The following KEL variants were observed in gnomAD, a reference collection of about 807,000 sequenced individuals.
KEL encodes kell blood group glycoprotein.
In KEL, 96 loss-of-function variants were observed where a neutral mutation model predicts 99.5. The observed-to-expected ratio is 0.97, with a 90% CI of 0.82 to 1.14. The LOEUF (loss-of-function observed/expected upper bound fraction) is 1.14. Among genes scored for constraint, KEL ranks in the 50% most tolerant of loss-of-function variants. The pLI, the probability that KEL is intolerant of heterozygous loss-of-function variation, is 0.00. For missense variants in KEL, 926 were observed against 924.2 expected, an observed-to-expected ratio of 1.00 and a Z score of -0.03; for synonymous variants, 355 against 354.8, an observed-to-expected ratio of 1.00 and a Z score of -0.01.
Position 142,941,213 on chromosome 7 carries a change from G to T in KEL, c.*39C>A. 1 of 1,607,600 alleles carries T rather than the reference G, an allele frequency of 6.2e-7. No homozygotes were observed. The highest frequency in any genetic ancestry group is 8.5e-7 in the Non-Finnish European group (1 of 1,174,126). ...CCATGGATGTGACCAGGGAGGTGTT[G>T]GTCGATATTTCTGTGCTGTGGCATC... On this transcript the variant is annotated 3_prime_UTR_variant, in exon 19 of 19. Transcript: ENST00000355265.
chr7:142,962,344 G>A lies in KEL; in HGVS notation c.-138C>T. 1.0e-6 allele frequency: 1 copy of A among 985,820 alleles called. No homozygotes were observed. Among genetic ancestry groups the A allele is most frequent in the Non-Finnish European group, 1.6e-6 (1 of 621,734 alleles). The allele number at this position is 985,820 out of a possible 1,614,324, so 61.1% of individuals were successfully genotyped here. ...GGCACTTCTGCTGCTCTTTCGCCTT[G>A]TCCCCAGACACACAGGACTGGCCTC... On this transcript the variant is annotated 5_prime_UTR_variant, in exon 1 of 19. Transcript: ENST00000355265.
In KEL at chr7:142,946,386, C is replaced by G. The variant is rs8176019; in HGVS notation, c.1204-69G>C. The G allele has an allele frequency of 8.5e-3, 10,383 of 1,223,920 alleles. 586 individuals are homozygous for G. The African/African-American group carries it at 0.13, about 15-fold the overall frequency. 75.8% of individuals were successfully genotyped at this position (1,223,920 alleles called of 1,614,324 possible). A position where few individuals can be genotyped will look rare whatever the true frequency, so the allele number is the denominator to read the frequency against. On this transcript the variant is annotated intron_variant, in intron 10 of 18. Coordinates refer to ENST00000355265, the MANE Select transcript of KEL (RefSeq NM_000420.3). ...TTTCCTCATCTGTCTCCCCAGTCTTCACTAGATCTTCATTCCCAGAGGGTG... is the reference window on the plus strand; with the variant it reads ...TTTCCTCATCTGTCTCCCCAGTCTTGACTAGATCTTCATTCCCAGAGGGTG...
At chr7:142,961,977 C>T (rs1459215143) in intron 1 of KEL, 105 bp from the exon 2 acceptor site, 8 of 1,603,710 alleles carry the variant, frequency 5.0e-6, no homozygotes, top group South Asian at 2.2e-5. Context: ...GCCTGCCCTG[C>T]CCCCACACAC....
chr7:142,945,971 G>A, intron 11 of KEL: 1 of 581,716 alleles, frequency 1.7e-6, no homozygotes, highest in Non-Finnish European at 3.1e-6. Flanking sequence ...GACCAGGAAA[G>A]TTGGGTGACT....
chr7:142,942,392 CT>C, intron 18 of KEL, 41 bp downstream of exon 18: 1 of 1,418,390 alleles, frequency 7.1e-7, no homozygotes, highest in African/African-American at 1.4e-5. Context: ...AGGCGTTCAA[CT>C]GACATAAAGC....
intron 10 of KEL, among the ~76,000 whole-genome samples, chr7:142,948,364 G>A (rs534745844): frequency 6.6e-6 from 1 of 152,154 alleles, no homozygotes; most frequent in African/African-American, 2.4e-5. Context: ...ATGAAACTCA[G>A]TGGACTAATT....
intron 10 of KEL, among the ~76,000 whole-genome samples, chr7:142,950,409 C>T (rs535156632): frequency 2.0e-5 from 3 of 152,202 alleles, no homozygotes; most frequent in Non-Finnish European, 4.4e-5. Context: ...GCCTAGTCTT[C>T]TCCTCTCAAC....
intron 11 of KEL, 90 bp from the exon 12 acceptor site, chr7:142,944,831 C>T (rs778503796): frequency 3.8e-6 from 4 of 1,049,880 alleles, no homozygotes; most frequent in Non-Finnish European, 5.8e-6. Flanking sequence ...TGGAAAAGGG[C>T]TTGGCCCCAA....
Position 142,953,794 on chromosome 7 carries a change from C to T in KEL, c.1073+14G>A, listed in dbSNP as rs765097747. 1.7e-5 allele frequency: 27 copies of T among 1,613,904 alleles called. No homozygotes were observed. Among genetic ancestry groups the T allele is most frequent in the East Asian group, 2.2e-5 (1 of 44,884 alleles). On this transcript the variant is annotated intron_variant, in intron 9 of 18. Transcript: ENST00000355265. ...TCCATTTCCATGATCTCCCCAATCC[C>T]ACCTGCGGCGAACCTCTGCTTTAGC...
chr7:142,957,583 C>A (rs575723130), intron 6 of KEL, among the ~76,000 whole-genome samples: 1 of 152,256 alleles, frequency 6.6e-6, no homozygotes, highest in Admixed American at 6.5e-5. Flanking sequence ...TGAGACTAAT[C>A]CAGATTAACA....
intron 16 of KEL, 39 bp downstream of exon 16, chr7:142,943,237 T>A: frequency 6.2e-7 from 1 of 1,608,016 alleles, no homozygotes; most frequent in Non-Finnish European, 8.5e-7. Context: ...TCCCTTAGGT[T>A]CCCTATTATC....
intron 3 of KEL, 32 bp from the exon 4 acceptor site, chr7:142,961,136 G>A (rs781352352): frequency 6.2e-7 from 1 of 1,611,522 alleles, no homozygotes. Flanking sequence ...TGGGAAAGAA[G>A]AGGCAAAAAG....
chr7:142,943,035 C>T lies in KEL; in HGVS notation c.1781G>A (p.Gly594Glu), dbSNP rs1264159984. ...LHIFYQLLLP[G>E]GCLACDNHAL... Reference sequence around the variant, plus strand: ...ATGGTTGTCACAGGCGAGGCAGCCCCCAGGCAGTACTGTTGAAAATGGGAC... The same window carrying T: ...ATGGTTGTCACAGGCGAGGCAGCCCTCAGGCAGTACTGTTGAAAATGGGAC... Residue 594 changes from glycine to glutamate, a missense_variant, in exon 17 of 19, where the codon GGG becomes GAG. Gly to Glu is a moderately conservative substitution (Grantham distance 98). Transcript: ENST00000355265. 6.2e-7 allele frequency: 1 copy of T among 1,614,040 alleles called. No individual in the cohort carries two copies. The highest frequency in any genetic ancestry group is 8.5e-7 in the Non-Finnish European group (1 of 1,180,024).
intron 9 of KEL, chr7:142,953,362 C>T: frequency 2.0e-6 from 2 of 985,114 alleles, no homozygotes; most frequent in Non-Finnish European, 2.4e-6. Flanking sequence ...TCCTTTCTTC[C>T]CCTAAGCATC....
chr7:142,961,762 T>G (rs1467296884), intron 2 of KEL, 33 bp downstream of exon 2: 5 of 1,554,908 alleles, frequency 3.2e-6, no homozygotes, highest in Non-Finnish European at 1.8e-6. Context: ...ACAACATCAG[T>G]GTATTCCAGA....
chr7:142,958,372 TGTA>T lies in KEL; in HGVS notation c.454_456del (p.Tyr152del), dbSNP rs1241298894. 9 of 1,614,070 alleles carry T rather than the reference TGTA, an allele frequency of 5.6e-6. No homozygotes were observed. In the African/African-American group the frequency reaches 1.2e-4, roughly 22 times the overall value. ...ATGGCAAGTGTATCCATGCAGGAGT[TGTA>T]GAACTGGAAGGCTTTCTCCTCCCCA... is the stretch of plus-strand genomic sequence containing the variant. On this transcript the variant is annotated inframe_deletion, in exon 5 of 19. Transcript: ENST00000355265.
In KEL at chr7:142,943,830, G is replaced by C. The variant is rs1472526077; in HGVS notation, c.1545C>G (p.Leu515=). Residue 515 remains leucine, a synonymous_variant, in exon 14 of 19, where the codon CTC becomes CTG. Coordinates refer to ENST00000355265, the MANE Select transcript of KEL (RefSeq NM_000420.3). ...AGAAGCTCTGGACAATTCTAGCTCG[G>C]AGGGACCGGACACAGCTCAGGACAG... ...LQSVLSCVRS[L]RARIVQSFLQ... 1 of 1,614,058 alleles carries C rather than the reference G, an allele frequency of 6.2e-7. No homozygotes were observed. The highest frequency in any genetic ancestry group is 1.7e-5 in the Admixed American group (1 of 60,008).
Position 142,953,903 on chromosome 7 carries a change from C to T in KEL, c.978G>A (p.Pro326=), listed in dbSNP as rs371335633. 4.3e-5 allele frequency: 69 copies of T among 1,613,988 alleles called. No individual in the cohort carries two copies. Among genetic ancestry groups the T allele is most frequent in the Middle Eastern group, 1.6e-4 (1 of 6,084 alleles). Residue 326 remains proline, a synonymous_variant, in exon 9 of 19, where the codon CCG becomes CCA. Coordinates refer to ENST00000355265, the MANE Select transcript of KEL (RefSeq NM_000420.3). ...WLSCLQATFT[P]MSLSPSQSLV... ...GGGACTGAGAAGGGCTCAGGGACAT[C>T]GGTGTGAATGTCGCTTGCAAGCAGG...
intron 4 of KEL, among the ~76,000 whole-genome samples, chr7:142,958,838 T>G (rs979540114): frequency 9.9e-5 from 15 of 152,180 alleles, no homozygotes; most frequent in Non-Finnish European, 1.6e-4. Flanking sequence ...TCAAAAGAAC[T>G]TCGGTCTCCG....
Sources: allele counts gnomAD v4.1 joint callset (sites outside exome capture counted in the v4.1 genomes callset), GRCh38; gene constraint gnomAD v4.1.1; transcripts MANE v1.5; gene names NCBI Gene and HGNC (gene_info 2026-07-23, HGNC 2026-07-21).